The following NELL1 variants were observed in gnomAD, a reference collection of about 807,000 sequenced individuals.
NELL1 encodes protein kinase C-binding protein NELL1.
Under a neutral mutation model 107.4 loss-of-function variants are expected in NELL1, and 76 were observed. That is an observed-to-expected ratio of 0.71 (90% confidence interval 0.59 to 0.86). NELL1 has a LOEUF of 0.86. Ranked by LOEUF, NELL1 falls within the 40% of genes least tolerant of loss-of-function variation. NELL1 has a pLI of 0.00. For missense variants in NELL1, 1,024 were observed against 1,005.5 expected, an observed-to-expected ratio of 1.02 and a Z score of -0.25; for synonymous variants, 353 against 341.2, an observed-to-expected ratio of 1.03 and a Z score of -0.38.
At chr11:20,785,044 A>C (rs974137625) in intron 3 of NELL1, among the ~76,000 whole-genome samples, 2 of 152,228 alleles carry the variant, frequency 1.3e-5, no homozygotes, top group African/African-American at 4.8e-5. Flanking sequence ...CTTGAAGCAC[A>C]GGCAGAATTC....
At chr11:21,112,100 A>G (rs1281828851) in intron 12 of NELL1, among the ~76,000 whole-genome samples, 2 of 151,632 alleles carry the variant, frequency 1.3e-5, no homozygotes, top group East Asian at 1.9e-4. Flanking sequence ...CCAGGAAGCA[A>G]CCTCTGTGGT....
chr11:20,770,309 A>T (rs1162651890), intron 2 of NELL1, among the ~76,000 whole-genome samples: 1 of 152,234 alleles, frequency 6.6e-6, no homozygotes, highest in Non-Finnish European at 1.5e-5. Context: ...TGTTTAATAC[A>T]GTCAGAATAA....
chr11:21,573,576 C>T (rs140671326), intron 19 of NELL1, among the ~76,000 whole-genome samples, 167 bp downstream of exon 19: 1,737 of 151,924 alleles, frequency 0.011, 28 homozygotes, highest in African/African-American at 0.04. Context: ...ATTATCATAG[C>T]TGCACCCTGT....
intron 1 of NELL1, among the ~76,000 whole-genome samples, chr11:20,675,800 G>C (rs1854040575): frequency 6.6e-6 from 1 of 151,546 alleles, no homozygotes; most frequent in Non-Finnish European, 1.5e-5. Context: ...TTGATACAGA[G>C]TTTCACTCTG....
At chr11:21,037,340 A>G (rs2134325926) in intron 12 of NELL1, among the ~76,000 whole-genome samples, 1 of 152,040 alleles carries the variant, frequency 6.6e-6, no homozygotes, top group East Asian at 1.9e-4. Flanking sequence ...ACCTTGGGCC[A>G]CTCTATGTTA....
At chr11:21,101,528 A>T (rs979476254) in intron 12 of NELL1, among the ~76,000 whole-genome samples, 13 of 152,240 alleles carry the variant, frequency 8.5e-5, no homozygotes, top group Non-Finnish European at 1.3e-4. Context: ...AATGATCGCC[A>T]TTCTAACTGG....
chr11:20,707,601 A>T (rs1387052909), intron 2 of NELL1, among the ~76,000 whole-genome samples: 1 of 152,204 alleles, frequency 6.6e-6, no homozygotes. Context: ...CAGGACCCTC[A>T]GCTGCAGGTC....
At chr11:20,698,233 C>G (rs1013166437) in intron 2 of NELL1, among the ~76,000 whole-genome samples, 3 of 152,156 alleles carry the variant, frequency 2.0e-5, no homozygotes, top group African/African-American at 7.2e-5. Context: ...TCAAATCTCT[C>G]TCTGGGGCAA....
At chr11:21,354,088 A>C (rs1181240405) in intron 14 of NELL1, among the ~76,000 whole-genome samples, 1 of 152,196 alleles carries the variant, frequency 6.6e-6, no homozygotes, top group Non-Finnish European at 1.5e-5. Context: ...TTATTTTGTC[A>C]AAAAGAAGAT....
intron 12 of NELL1, among the ~76,000 whole-genome samples, chr11:21,105,375 A>T (rs1057328505): frequency 6.6e-6 from 1 of 152,128 alleles, no homozygotes; most frequent in Non-Finnish European, 1.5e-5. Context: ...GGGCCAAAAG[A>T]CTGGTTGAAC....
intron 2 of NELL1, among the ~76,000 whole-genome samples, chr11:20,701,468 C>T (rs536441152): frequency 2.2e-4 from 33 of 152,216 alleles, no homozygotes; most frequent in African/African-American, 7.7e-4. Flanking sequence ...TGCCTGTTCA[C>T]TCTGATGGTA....
intron 16 of NELL1, among the ~76,000 whole-genome samples, chr11:21,554,423 T>C (rs1281842197): frequency 2.0e-5 from 3 of 151,822 alleles, no homozygotes; most frequent in Admixed American, 6.6e-5. Context: ...ATCAAAACCA[T>C]GTGAATTCAT....
rs1035686958 is a variant in NELL1 at position 21,423,093 on chromosome 11, G to T, written c.1645+52145G>T. Among the ~76,000 whole-genome samples the T allele has an allele frequency of 9.9e-5, 15 of 152,232 alleles. No homozygotes were observed. The South Asian group carries it at 3.1e-3, about 32-fold the overall frequency. On this transcript the variant is annotated intron_variant, in intron 15 of 19. Coordinates refer to ENST00000357134, the MANE Select transcript of NELL1 (RefSeq NM_006157.5). ...AAAATTTTATAAAAGGTGCCCAAGC[G>T]CAGTGGCTCACGCCTGTAAACCCAG...
chr11:21,129,390 C>G (rs1855563654), intron 13 of NELL1, among the ~76,000 whole-genome samples: 1 of 152,140 alleles, frequency 6.6e-6, no homozygotes, highest in Non-Finnish European at 1.5e-5. Flanking sequence ...ATTAAATGAT[C>G]TGGCGATTCC....
intron 15 of NELL1, among the ~76,000 whole-genome samples, chr11:21,462,915 G>A (rs889832707): frequency 1.3e-5 from 2 of 152,012 alleles, no homozygotes; most frequent in African/African-American, 2.4e-5. Flanking sequence ...GTGTTTGACT[G>A]TAATGGCAGT....
At chr11:21,186,474 A>G (rs1053155607) in intron 13 of NELL1, among the ~76,000 whole-genome samples, 3 of 151,776 alleles carry the variant, frequency 2.0e-5, no homozygotes, top group Admixed American at 6.6e-5. Context: ...GTCTTGACTG[A>G]TTTTAGTTTG....
intron 15 of NELL1, among the ~76,000 whole-genome samples, chr11:21,407,849 C>T (rs1391010265): frequency 6.6e-6 from 1 of 151,680 alleles, no homozygotes; most frequent in Non-Finnish European, 1.5e-5. Context: ...AAAAATTTTC[C>T]TTTTCTTTGC....
At chr11:21,455,928 G>A (rs1261714771) in intron 15 of NELL1, among the ~76,000 whole-genome samples, 3 of 147,264 alleles carry the variant, frequency 2.0e-5, no homozygotes, top group African/African-American at 5.0e-5. Context: ...TCGCTTTGTC[G>A]CCCATGCTGG....
chr11:21,123,656 G>A (rs970667925), intron 13 of NELL1, among the ~76,000 whole-genome samples: 36 of 151,944 alleles, frequency 2.4e-4, no homozygotes, highest in Non-Finnish European at 4.4e-4. Context: ...CTAACTTGAC[G>A]GTTTATAGCC....
Sources: gnomAD v4.1 joint callset for allele counts (sites outside exome capture counted in the v4.1 genomes callset) on GRCh38, gnomAD v4.1.1 for gene constraint, MANE v1.5 for transcripts, NCBI Gene and HGNC (gene_info 2026-07-23, HGNC 2026-07-21) for gene names.